The following NFKB1 variants were observed in gnomAD, a reference collection of about 807,000 sequenced individuals.
NFKB1 encodes the protein nuclear factor NF-kappa-B p105 subunit.
In NFKB1, 9 loss-of-function variants were observed where a neutral mutation model predicts 105.1. That is an observed-to-expected ratio of 0.09 (90% CI 0.05 to 0.15). NFKB1 has a LOEUF of 0.15. Ranked by LOEUF, NFKB1 falls within the 10% of genes least tolerant of loss-of-function variation. The probability of loss-of-function intolerance (pLI) is 1.00; values close to 1 mark genes in which losing one functional copy is unlikely to be tolerated. For missense variants in NFKB1, 830 were observed against 1,203.7 expected (o/e 0.69, Z 4.59); for synonymous variants, 440 against 442.2 (o/e 1.00, Z 0.06).
chr4:102,616,454 A>G lies in NFKB1; in HGVS notation c.2770A>G (p.Ser924Gly). 1 of 1,614,134 alleles carries G rather than the reference A, an allele frequency of 6.2e-7. No homozygotes were observed. The highest frequency in any genetic ancestry group is 8.5e-7 in the Non-Finnish European group (1 of 1,180,016). ...CTCAGACGAGCTCCGAGACAGTGAC[A>G]GTGTCTGCGACAGCGGCGTGGAGAC... ...QQIDELRDSD[S>G]VCDSGVETSF... The change falls in exon 24 of 24, where the codon AGT becomes GGT. Residue 924 changes from serine to glycine, a missense_variant. Ser to Gly is a moderately conservative substitution (Grantham distance 56, BLOSUM62 0). Coordinates refer to ENST00000226574, the MANE Select transcript of NFKB1 (RefSeq NM_003998.4).
At chr4:102,581,937 A>G (rs2149188949) in intron 9 of NFKB1, among the ~76,000 whole-genome samples, 1 of 152,336 alleles carries the variant, frequency 6.6e-6, no homozygotes. Context: ...CATTCCTAGT[A>G]TTTCTAAAAT....
At chr4:102,503,597 G>A (rs1739227672) in intron 1 of NFKB1, 1 of 152,168 alleles carries the variant, frequency 6.6e-6, no homozygotes, top group South Asian at 2.1e-4. Flanking sequence ...CTGAGTAAAT[G>A]CCCGTGTTTT....
chr4:102,592,936 T>G (rs1223585013), intron 11 of NFKB1, among the ~76,000 whole-genome samples: 3 of 152,232 alleles, frequency 2.0e-5, no homozygotes, highest in African/African-American at 4.8e-5. Flanking sequence ...GCTGTCTCAC[T>G]AAGTCTTTCC....
chr4:102,584,353 C>T (rs1725549979), intron 10 of NFKB1, among the ~76,000 whole-genome samples: 1 of 152,140 alleles, frequency 6.6e-6, no homozygotes, highest in Non-Finnish European at 1.5e-5. Flanking sequence ...TTTAAGGCTG[C>T]TTTGGAAGAG....
intron 22 of NFKB1, among the ~76,000 whole-genome samples, chr4:102,613,171 C>G (rs1299350277): frequency 6.6e-6 from 1 of 152,194 alleles, no homozygotes; most frequent in Non-Finnish European, 1.5e-5. Flanking sequence ...TGCCTCAGCG[C>G]TTCTCTCGCT....
chr4:102,575,445 T>C (rs776359439), intron 6 of NFKB1, among the ~76,000 whole-genome samples: 18 of 152,142 alleles, frequency 1.2e-4, no homozygotes, highest in Non-Finnish European at 2.1e-4. Context: ...CTAATTTTTT[T>C]TTTCTTTCTT....
intron 11 of NFKB1, among the ~76,000 whole-genome samples, chr4:102,590,483 C>T (rs909036398): frequency 2.6e-5 from 4 of 152,176 alleles, no homozygotes; most frequent in Non-Finnish European, 5.9e-5. Flanking sequence ...AGCATGTACT[C>T]ACTTTATGTC....
At chr4:102,586,720 A>T (rs1725739865) in intron 11 of NFKB1, among the ~76,000 whole-genome samples, 1 of 152,136 alleles carries the variant, frequency 6.6e-6, no homozygotes, top group Non-Finnish European at 1.5e-5. Context: ...GCACAAACAA[A>T]ATTAGAAACC....
chr4:102,612,879 C>T (rs922817280), intron 22 of NFKB1, among the ~76,000 whole-genome samples: 5 of 152,134 alleles, frequency 3.3e-5, no homozygotes, highest in Admixed American at 1.3e-4. Context: ...AGAACTTTAA[C>T]GGCCCTGAGC....
At chr4:102,566,367 G>C (rs1022603507) in intron 5 of NFKB1, among the ~76,000 whole-genome samples, 1 of 152,174 alleles carries the variant, frequency 6.6e-6, no homozygotes, top group African/African-American at 2.4e-5. Context: ...ACTATGACCT[G>C]AGCATATGTA....
At chr4:102,608,703 G>T (rs1728069223) in intron 19 of NFKB1, among the ~76,000 whole-genome samples, 1 of 150,566 alleles carries the variant, frequency 6.6e-6, no homozygotes. Context: ...ATAAATTCAA[G>T]AAAACAAAGC....
At chr4:102,602,558 T>C (rs1203721403) in intron 16 of NFKB1, among the ~76,000 whole-genome samples, 2 of 150,488 alleles carry the variant, frequency 1.3e-5, no homozygotes, top group African/African-American at 2.4e-5. Flanking sequence ...AAAAAAAGTG[T>C]GCTTTAAAGT....
chr4:102,573,885 T>C (rs1724591703), intron 6 of NFKB1, among the ~76,000 whole-genome samples: 1 of 151,896 alleles, frequency 6.6e-6, no homozygotes, highest in South Asian at 2.1e-4. Context: ...TTGTTTGGGG[T>C]CTTTTTTTTT....
chr4:102,583,808 A>AG (rs1725500988), intron 10 of NFKB1, among the ~76,000 whole-genome samples: 7 of 52,734 alleles, frequency 1.3e-4, no homozygotes, highest in Non-Finnish European at 2.9e-4. Flanking sequence ...AATTATCTGG[A>AG]TTGGAAACAA....
intron 10 of NFKB1, 149 bp downstream of exon 10, chr4:102,583,106 A>G (rs565962706): frequency 4.0e-6 from 2 of 501,338 alleles, no homozygotes; most frequent in East Asian, 3.0e-5. Flanking sequence ...CAACCTACCA[A>G]ATATCTGGGA....
chr4:102,570,807 C>T (rs1393727857), intron 6 of NFKB1, among the ~76,000 whole-genome samples: 1 of 152,180 alleles, frequency 6.6e-6, no homozygotes, highest in East Asian at 1.9e-4. Flanking sequence ...AGGAGAACTA[C>T]AAACCCCTGC....
chr4:102,606,416 G>A (rs924488667), intron 16 of NFKB1, 80 bp from the exon 17 acceptor site: 1 of 1,327,666 alleles, frequency 7.5e-7, no homozygotes, highest in Non-Finnish European at 1.1e-6. Flanking sequence ...CCCACCTATT[G>A]CAGTAACAGC....
At chr4:102,608,024 A>C (rs947447367) in intron 19 of NFKB1, among the ~76,000 whole-genome samples, 7 of 152,206 alleles carry the variant, frequency 4.6e-5, no homozygotes, top group Non-Finnish European at 8.8e-5. Flanking sequence ...TCCCATGACA[A>C]AGGGTCTTTT....
chr4:102,558,906 G>A (rs1175704751), intron 5 of NFKB1, among the ~76,000 whole-genome samples: 1 of 152,196 alleles, frequency 6.6e-6, no homozygotes, highest in African/African-American at 2.4e-5. Context: ...TTAATGTATA[G>A]AGAAAAATTA....
Sources: gnomAD v4.1 joint callset for allele counts (sites outside exome capture counted in the v4.1 genomes callset) on GRCh38, gnomAD v4.1.1 for gene constraint, MANE v1.5 for transcripts, NCBI Gene and HGNC (gene_info 2026-07-23, HGNC 2026-07-21) for gene names.